The following DDX18 variants were observed in gnomAD, a reference collection of about 807,000 sequenced individuals.
DDX18 encodes ATP-dependent RNA helicase DDX18.
Under a neutral mutation model 73.5 loss-of-function variants are expected in DDX18, and 23 were observed. The ratio of observed to expected loss-of-function variants is 0.31; its 90% CI spans 0.23 to 0.44. The LOEUF is 0.44. Ranked by LOEUF, DDX18 falls within the 20% of genes least tolerant of loss-of-function variation. DDX18 has a pLI of 1.00. For synonymous variants in DDX18, 268 were observed against 282.7 expected (o/e 0.95, Z 0.52); for missense variants, 753 against 792.9 (o/e 0.95, Z 0.60).
intron 1 of DDX18, among the ~76,000 whole-genome samples, chr2:117,815,329 A>G (rs1345773312): frequency 6.6e-6 from 1 of 152,012 alleles, no homozygotes; most frequent in East Asian, 1.9e-4. Flanking sequence ...CTTTGATACT[A>G]TTGCCTTCCT....
chr2:117,817,809 G>A lies in DDX18; in HGVS notation c.370+81G>A. The A allele has an allele frequency of 2.8e-6, 4 of 1,423,220 alleles. No homozygotes were observed. The South Asian group carries it at 5.6e-5, about 20-fold the overall frequency. 88.2% of individuals were successfully genotyped at this position (1,423,220 alleles called of 1,614,324 possible). A position where few individuals can be genotyped will look rare whatever the true frequency, so the allele number is the denominator to read the frequency against. ...GTTCCTCTTTCTATTACTATTGTGT[G>A]CACATGACATGAGAATTCCCTGTAC... On this transcript the variant is annotated intron_variant, in intron 2 of 13. Coordinates refer to ENST00000263239, the MANE Select transcript of DDX18 (RefSeq NM_006773.4).
intron 11 of DDX18, chr2:117,828,170 T>C (rs1558735122): frequency 6.6e-6 from 1 of 152,114 alleles, no homozygotes; most frequent in Non-Finnish European, 1.5e-5. Context: ...TTTGATTGGG[T>C]TGTTTGATTT....
chr2:117,830,785 A>G lies in DDX18; in HGVS notation c.*61A>G. The G allele has an allele frequency of 1.3e-6, 2 of 1,589,296 alleles. No individual in the cohort carries two copies. Among genetic ancestry groups the G allele is most frequent in the Non-Finnish European group, 1.7e-6 (2 of 1,170,196 alleles). On this transcript the variant is annotated 3_prime_UTR_variant, in exon 14 of 14. Coordinates refer to ENST00000263239, the MANE Select transcript of DDX18 (RefSeq NM_006773.4). ...CTAAAATGAATTTTTTTTCCCCTTG[A>G]TTTAACAGGATTTTTGTAGACTTTA...
At chr2:117,829,505 A>G (rs1444994435) in intron 13 of DDX18, 39 bp downstream of exon 13, 2 of 1,578,648 alleles carry the variant, frequency 1.3e-6, no homozygotes, top group African/African-American at 2.7e-5. Context: ...GTGACTAAGG[A>G]ACAAAAGCTT....
At chr2:117,814,972 G>T in intron 1 of DDX18, 110 bp downstream of exon 1, 1 of 1,128,856 alleles carries the variant, frequency 8.9e-7, no homozygotes, top group Non-Finnish European at 1.3e-6. Flanking sequence ...TTCCCCTGCA[G>T]CGTGTGTGAT....
At chr2:117,826,588 G>A in intron 11 of DDX18, 1 of 575,138 alleles carries the variant, frequency 1.7e-6, no homozygotes, top group Non-Finnish European at 3.1e-6. Context: ...TTCTAGCTCT[G>A]TTACCCAGCA....
rs754738115 is a variant in DDX18 at position 117,821,845 on chromosome 2, C to T, written c.752-17C>T. 5 of 1,613,738 alleles carry T rather than the reference C, an allele frequency of 3.1e-6. No homozygotes were observed. The highest frequency in any genetic ancestry group is 1.7e-5 in the Admixed American group (1 of 59,970). On this transcript the variant is annotated splice_polypyrimidine_tract_variant and intron_variant, in intron 5 of 13. Coordinates refer to ENST00000263239, the MANE Select transcript of DDX18 (RefSeq NM_006773.4). ...GGTGACAGCCACATTTAGACTTCTA[C>T]CATATATCATTTTTAGGAACAGGAG...
rs1343417447 is a variant in DDX18, at chr2:117,829,314, A to C, written c.1718A>C (p.Tyr573Ser). ...CTTGAGAAATTGATTGAAAAGAATT[A>C]CTTTCTTCATAAGTCAGCCCAGGAA... ...SQLEKLIEKNYFLHKSAQEAY... is the reference protein window; with the variant it reads ...SQLEKLIEKNSFLHKSAQEAY... The change falls in exon 13 of 14, where the codon TAC becomes TCC. Residue 573 changes from tyrosine (Y) to serine (S), a missense_variant. By Grantham distance (144) the Tyr-to-Ser change is moderately radical (BLOSUM62 -2). Around this residue, in one of 3 missense-constraint regions of DDX18, gnomAD observed 402 missense variants for 419.4 expected, o/e 0.96. Coordinates refer to ENST00000263239, the MANE Select transcript of DDX18 (RefSeq NM_006773.4). 1 of 1,598,708 alleles carries C rather than the reference A, an allele frequency of 6.3e-7. No homozygotes were observed. The highest frequency in any genetic ancestry group is 1.1e-5 in the South Asian group (1 of 87,052).
intron 10 of DDX18, 144 bp from the exon 11 acceptor site, chr2:117,826,125 G>A (rs369638620): frequency 3.9e-4 from 208 of 531,392 alleles, no homozygotes; most frequent in African/African-American, 3.7e-3. Context: ...CCAGCTTTGT[G>A]GGGGTGTGGT....
Position 117,819,498 on chromosome 2 carries a change from T to A in DDX18, c.371-151T>A, listed in dbSNP as rs567457331. 61 of 794,760 alleles carry A rather than the reference T, an allele frequency of 7.7e-5. No homozygotes were observed. In the African/African-American group the frequency reaches 9.9e-4, roughly 13 times the overall value. 49.2% of individuals were successfully genotyped at this position (794,760 alleles called of 1,614,324 possible). Reference sequence around the variant, plus strand: ...GTTTTTAAATACAACCACTCATTTTTCACCAAACAGAATTCTTAACAAATT... The same window carrying A: ...GTTTTTAAATACAACCACTCATTTTACACCAAACAGAATTCTTAACAAATT... On this transcript the variant is annotated intron_variant, in intron 2 of 13. Transcript: ENST00000263239.
chr2:117,826,404 A>G (rs1214116195), intron 11 of DDX18, 22 bp downstream of exon 11: 1 of 1,603,540 alleles, frequency 6.2e-7, no homozygotes, highest in South Asian at 1.1e-5. Context: ...TACTTGGAGA[A>G]AGATTTCTCT....
At chr2:117,826,701 G>A in intron 11 of DDX18, 1 of 302,776 alleles carries the variant, frequency 3.3e-6, no homozygotes. Context: ...CTCTGCTTCT[G>A]CTCCCCTTCT....
intron 9 of DDX18, 52 bp downstream of exon 9, chr2:117,825,153 A>G (rs781213080): frequency 5.1e-6 from 8 of 1,567,420 alleles, no homozygotes; most frequent in African/African-American, 2.7e-5. Context: ...ATTAAATCCT[A>G]TAGATTGTAG....
In DDX18 at chr2:117,817,527, A is replaced by G. The variant is rs757413429; in HGVS notation, c.169A>G (p.Lys57Glu). The change falls in exon 2 of 14, where the codon AAA (lysine) becomes GAA (glutamate). Residue 57 changes from lysine to glutamate, a missense_variant. Around this residue, in one of 3 missense-constraint regions of DDX18, gnomAD observed 345 missense variants for 352.0 expected, o/e 0.98. Transcript: ENST00000263239. The part of the protein sequence containing the change: ...TMGSRKVKKS[K>E]QKPMNVGLSE... ...GGGAAGTAGAAAGGTTAAAAAATCA[A>G]AACAAAAGCCCATGAATGTGGGCTT... The G allele has an allele frequency of 1.2e-6, 2 of 1,613,886 alleles. No homozygotes were observed. The highest frequency in any genetic ancestry group is 1.7e-6 in the Non-Finnish European group (2 of 1,179,916).
intron 13 of DDX18, 88 bp from the exon 14 acceptor site, chr2:117,830,494 A>T: frequency 1.4e-6 from 2 of 1,381,616 alleles, no homozygotes; most frequent in Non-Finnish European, 2.0e-6. Flanking sequence ...GAGGAACAGT[A>T]GTGTTCATGC....
chr2:117,821,009 CT>C, intron 3 of DDX18, 151 bp from the exon 4 acceptor site: 1 of 693,854 alleles, frequency 1.4e-6, no homozygotes, highest in Non-Finnish European at 2.2e-6. Context: ...GATATAGGGT[CT>C]TTTTCTTGAT....
chr2:117,819,768 C>T lies in DDX18; in HGVS notation c.490C>T (p.Pro164Ser). ...PDNDEDESEV[P>S]SLPLGLTGAF... ...TAATGATGAAGATGAGAGTGAGGTG[C>T]CCAGTCTGCCCCTGGGACTGACAGG... Residue 164 changes from proline to serine, a missense_variant, in exon 3 of 14, where the codon CCC becomes TCC. Around this residue, in one of 3 missense-constraint regions of DDX18, gnomAD observed 345 missense variants for 352.0 expected, o/e 0.98. Coordinates refer to ENST00000263239, the MANE Select transcript of DDX18 (RefSeq NM_006773.4). 4 of 1,594,820 alleles carry T rather than the reference C, an allele frequency of 2.5e-6. No homozygotes were observed. Among genetic ancestry groups the T allele is most frequent in the East Asian group, 2.3e-5 (1 of 44,306 alleles).
In DDX18 at chr2:117,830,584, G is replaced by A. The variant is rs561722336; in HGVS notation, c.1873G>A (p.Val625Ile). The stretch of plus-strand genomic sequence containing the variant: ...ATTTCCTTAATGTTTGCCTCCAGAC[G>A]TCAACAGTAATGAAGGCAAGCAGAA... ...FKVPPFVDLN[V>I]NSNEGKQKKR... Residue 625 changes from valine to isoleucine, a missense_variant and splice_region_variant, in exon 14 of 14, where the codon GTC (valine) becomes ATC (isoleucine). Val to Ile is a conservative substitution (Grantham distance 29). This residue lies in a region of DDX18 where 402 missense variants were observed against 419.4 expected (regional missense o/e 0.96). Coordinates refer to ENST00000263239, the MANE Select transcript of DDX18 (RefSeq NM_006773.4). 23 of 1,612,948 alleles carry A rather than the reference G, an allele frequency of 1.4e-5. No individual in the cohort carries two copies. Among genetic ancestry groups the A allele is most frequent in the Admixed American group, 6.7e-5 (4 of 59,772 alleles).
rs754521986 is a variant in DDX18 at position 117,817,483 on chromosome 2, A to G, written c.125A>G (p.Asp42Gly). Residue 42 changes from aspartate (D) to glycine (G), a missense_variant, in exon 2 of 14, where the codon GAT (aspartate) becomes GGT (glycine). By Grantham distance (94) the Asp-to-Gly change is moderately conservative (BLOSUM62 -1). Coordinates refer to ENST00000263239, the MANE Select transcript of DDX18 (RefSeq NM_006773.4). ...NLTLSETQNG[D>G]VSEETMGSRK... ...ACCCTATCGGAAACTCAAAATGGAGATGTATCTGAAGAAACAATGGGAAGT... is the reference window on the plus strand; with the variant it reads ...ACCCTATCGGAAACTCAAAATGGAGGTGTATCTGAAGAAACAATGGGAAGT... 2.7e-5 allele frequency: 43 copies of G among 1,612,154 alleles called. No homozygotes were observed. Among genetic ancestry groups the G allele is most frequent in the Non-Finnish European group, 3.6e-5 (43 of 1,179,670 alleles).
Sources: gnomAD v4.1 joint callset for allele counts (sites outside exome capture counted in the v4.1 genomes callset) on GRCh38, gnomAD v4.1.1 for gene constraint, gnomAD v4.1.1 regional missense constraint, MANE v1.5 for transcripts, NCBI Gene and HGNC (gene_info 2026-07-23, HGNC 2026-07-21) for gene names.